Variants in ABCC4 observed in about 807,000 individuals in gnomAD.
The protein encoded by ABCC4 is ATP-binding cassette sub-family C member 4.
In ABCC4, 102 loss-of-function variants were observed where a neutral mutation model predicts 168.5. The ratio of observed to expected loss-of-function variants is 0.61; its 90% CI spans 0.52 to 0.71. The LOEUF is 0.71. ABCC4 is among the 30% of genes least tolerant of loss of function. The pLI is 0.00. For synonymous variants in ABCC4, 617 were observed against 590.7 expected (o/e 1.04, Z -0.65); for missense variants, 1,402 against 1,605.8 (o/e 0.87, Z 2.17).
At chr13:95,103,646 T>C (rs1442135235) in intron 20 of ABCC4, among the ~76,000 whole-genome samples, 1 of 152,178 alleles carries the variant, frequency 6.6e-6, no homozygotes, top group African/African-American at 2.4e-5. Flanking sequence ...CACAAGGCAT[T>C]CTGACCTGGA....
intron 1 of ABCC4, among the ~76,000 whole-genome samples, chr13:95,291,009 A>AAAAAAAAAAAAAAAAAG (rs1394530639): frequency 2.0e-4 from 25 of 123,448 alleles, no homozygotes; most frequent in Admixed American, 3.0e-4. Flanking sequence ...AAAAAAAAAA[A>AAAAAAAAAAAAAAAAAG]AGAGGAAACC....
At chr13:95,259,130 T>C (rs779612395) in intron 1 of ABCC4, among the ~76,000 whole-genome samples, 23 of 152,140 alleles carry the variant, frequency 1.5e-4, no homozygotes, top group Non-Finnish European at 2.9e-4. Flanking sequence ...CTCACGCCTG[T>C]AATCCCGGCA....
intron 19 of ABCC4, among the ~76,000 whole-genome samples, chr13:95,148,152 C>CA (rs1311256347): frequency 6.6e-6 from 1 of 151,954 alleles, no homozygotes; most frequent in Non-Finnish European, 1.5e-5. Context: ...CTCAATTAGT[C>CA]AAAAAAATCA....
chr13:95,273,186 T>G (rs1178107165), intron 1 of ABCC4, among the ~76,000 whole-genome samples: 2 of 152,226 alleles, frequency 1.3e-5, no homozygotes, highest in African/African-American at 4.8e-5. Context: ...CTTCCAAACC[T>G]TTTACCAAAG....
At chr13:95,254,144 C>CT (rs1566572351) in intron 1 of ABCC4, among the ~76,000 whole-genome samples, 1 of 152,198 alleles carries the variant, frequency 6.6e-6, no homozygotes, top group Non-Finnish European at 1.5e-5. Flanking sequence ...GTAATCCCCC[C>CT]ACCTTGGCCT....
chr13:95,253,754 A>G (rs2040327263), intron 1 of ABCC4, among the ~76,000 whole-genome samples: 1 of 152,022 alleles, frequency 6.6e-6, no homozygotes, highest in South Asian at 2.1e-4. Flanking sequence ...AAAAAAAACA[A>G]CACAGAAACA....
At chr13:95,227,220 G>A (rs554653241) in intron 4 of ABCC4, among the ~76,000 whole-genome samples, 1 of 152,226 alleles carries the variant, frequency 6.6e-6, no homozygotes, top group African/African-American at 2.4e-5. Context: ...AACAAAACAA[G>A]TCCTCCCTCC....
intron 21 of ABCC4, among the ~76,000 whole-genome samples, chr13:95,078,031 T>A (rs992850286): frequency 2.0e-5 from 3 of 152,196 alleles, no homozygotes; most frequent in Non-Finnish European, 4.4e-5. Context: ...CCACCCATCC[T>A]TGGGGCTCTT....
intron 1 of ABCC4, among the ~76,000 whole-genome samples, chr13:95,283,684 G>A (rs918026768): frequency 2.2e-4 from 34 of 152,146 alleles, no homozygotes; most frequent in African/African-American, 7.0e-4. Context: ...TTGGGAGGCC[G>A]AGGTGGGTGG....
intron 1 of ABCC4, among the ~76,000 whole-genome samples, chr13:95,260,100 T>A (rs148317234): frequency 1.5e-3 from 226 of 152,262 alleles, no homozygotes; most frequent in African/African-American, 5.1e-3. Context: ...GCAATCTGTA[T>A]CTTCTGATGT....
At chr13:95,292,774 G>T (rs972815367) in intron 1 of ABCC4, among the ~76,000 whole-genome samples, 1 of 152,140 alleles carries the variant, frequency 6.6e-6, no homozygotes, top group African/African-American at 2.4e-5. Flanking sequence ...GAAGATAGGA[G>T]CTAGCGCAGA....
intron 20 of ABCC4, among the ~76,000 whole-genome samples, chr13:95,093,983 G>C (rs1001158686): frequency 6.6e-6 from 1 of 151,884 alleles, no homozygotes; most frequent in African/African-American, 2.4e-5. Context: ...GGAATCAAAA[G>C]ACCTCTACAA....
intron 4 of ABCC4, among the ~76,000 whole-genome samples, chr13:95,233,108 T>C (rs1248278172): frequency 2.0e-5 from 3 of 152,178 alleles, no homozygotes; most frequent in Non-Finnish European, 4.4e-5. Context: ...TTGTTTATAG[T>C]ACCTAATACA....
At chr13:95,028,945 T>C (rs1257397596) in intron 30 of ABCC4, among the ~76,000 whole-genome samples, 4 of 151,690 alleles carry the variant, frequency 2.6e-5, no homozygotes, top group African/African-American at 7.3e-5. Flanking sequence ...GTGGGTGGGT[T>C]ACCTGAGGTC....
chr13:95,202,754 T>G (rs1055166984), intron 8 of ABCC4, among the ~76,000 whole-genome samples: 1 of 146,312 alleles, frequency 6.8e-6, no homozygotes, highest in African/African-American at 2.5e-5. Context: ...GTTCAAGCAA[T>G]TCTCGTGCCT....
chr13:95,037,936 G>A (rs2032191069), intron 29 of ABCC4, among the ~76,000 whole-genome samples: 1 of 152,078 alleles, frequency 6.6e-6, no homozygotes, highest in Non-Finnish European at 1.5e-5. Context: ...TGTGGTCTCG[G>A]TTCACTGCAA....
At chr13:95,280,846 G>A (rs1183772123) in intron 1 of ABCC4, among the ~76,000 whole-genome samples, 6 of 152,086 alleles carry the variant, frequency 3.9e-5, no homozygotes, top group Admixed American at 3.9e-4. Context: ...ATCCACTCGA[G>A]AGAGACAGCA....
At chr13:95,083,913 T>C (rs2034180654) in intron 20 of ABCC4, among the ~76,000 whole-genome samples, 1 of 152,018 alleles carries the variant, frequency 6.6e-6, no homozygotes, top group Non-Finnish European at 1.5e-5. Context: ...AGATTTAGAG[T>C]AGGACTTGAA....
chr13:95,188,241 A>T (rs1329054694), intron 10 of ABCC4, among the ~76,000 whole-genome samples: 1 of 152,206 alleles, frequency 6.6e-6, no homozygotes, highest in African/African-American at 2.4e-5. Flanking sequence ...CCAATTGCTC[A>T]ACTTGAAGAA....
Sources: allele counts gnomAD v4.1 joint callset (sites outside exome capture counted in the v4.1 genomes callset), GRCh38; gene constraint gnomAD v4.1.1; transcripts MANE v1.5; gene names NCBI Gene and HGNC (gene_info 2026-07-23, HGNC 2026-07-21).